The following AHRR variants were observed in gnomAD, a reference collection of about 807,000 sequenced individuals.
The protein encoded by AHRR is ahR repressor.
Under a neutral mutation model 44.0 loss-of-function variants are expected in AHRR, and 28 were observed. That is an observed-to-expected ratio of 0.64 (90% CI 0.47 to 0.87). The LOEUF (loss-of-function observed/expected upper bound fraction) is 0.87, where lower values mean the gene tolerates loss of function less well. AHRR is among the 40% of genes least tolerant of loss of function. The pLI is 0.00. For missense variants in AHRR, 990 were observed against 953.9 expected (o/e 1.04, Z -0.50); for synonymous variants, 434 against 407.0 (o/e 1.07, Z -0.80).
intron 4 of AHRR, among the ~76,000 whole-genome samples, chr5:386,821 T>G (rs928278144): frequency 6.6e-6 from 1 of 150,592 alleles, no homozygotes; most frequent in Admixed American, 6.6e-5. Context: ...TAACCCAGAC[T>G]TCATCCCGGA....
At chr5:341,157 G>A (rs1361922993) in intron 1 of AHRR, among the ~76,000 whole-genome samples, 3 of 151,734 alleles carry the variant, frequency 2.0e-5, no homozygotes, top group Admixed American at 1.3e-4. Context: ...TGGGACTACA[G>A]GTGCACGCCA....
rs1013474183 is a variant in AHRR at position 376,638 on chromosome 5, T to G, written c.273T>G (p.Pro91=). 2 of 1,092,482 alleles carry G rather than the reference T, an allele frequency of 1.8e-6. No homozygotes were observed. Among genetic ancestry groups the G allele is most frequent in the East Asian group, 1.0e-4 (2 of 19,548 alleles). 67.7% of individuals were successfully genotyped at this position (1,092,482 alleles called of 1,614,324 possible). A position where few individuals can be genotyped will look rare whatever the true frequency, so the allele number is the denominator to read the frequency against. The change falls in exon 4 of 11, where the codon CCT becomes CCG. Residue 91 remains proline (P), a synonymous_variant. Coordinates refer to ENST00000684583, the MANE Select transcript of AHRR (RefSeq NM_001377236.1). ...QVVQEQSSRQ[P]AAGAPSPGDS... is the part of the protein sequence containing the mutation. The stretch of plus-strand genomic sequence containing the variant: ...TGCAGGAGCAGAGCTCACGGCAGCC[T>G]GCGGCCGGCGCCCCCTCGCCCGGAG...
intron 7 of AHRR, among the ~76,000 whole-genome samples, chr5:426,532 C>T (rs528065922): frequency 7.2e-5 from 10 of 138,988 alleles, no homozygotes; most frequent in East Asian, 6.9e-4. Context: ...GGGAAGATGA[C>T]GGATGGATAG....
At chr5:399,155 C>T (rs532152633) in intron 4 of AHRR, among the ~76,000 whole-genome samples, 13 of 152,314 alleles carry the variant, frequency 8.5e-5, no homozygotes, top group South Asian at 4.1e-4. Flanking sequence ...TGCAGAGGGA[C>T]GGCCCAGGCC....
intron 4 of AHRR, among the ~76,000 whole-genome samples, chr5:382,206 C>T (rs1297570138): frequency 6.6e-6 from 1 of 152,202 alleles, no homozygotes; most frequent in Non-Finnish European, 1.5e-5. Context: ...GTATTCCCTT[C>T]TCTTCTGTTT....
intron 1 of AHRR, among the ~76,000 whole-genome samples, chr5:333,817 G>A (rs982750414): frequency 2.0e-5 from 3 of 152,136 alleles, no homozygotes; most frequent in African/African-American, 4.8e-5. Context: ...CTTTATGAGT[G>A]AGTTTTATAT....
At chr5:343,567 G>C (rs1579600419) in intron 1 of AHRR, 2 of 360,388 alleles carry the variant, frequency 5.5e-6, no homozygotes, top group East Asian at 6.0e-5. Context: ...TGGCTTCCTC[G>C]ATGGCTTCCT....
At chr5:344,691 A>C (rs1391116760) in intron 2 of AHRR, among the ~76,000 whole-genome samples, 8 of 2,862 alleles carry the variant, frequency 2.8e-3, no homozygotes, top group Non-Finnish European at 4.1e-3. Flanking sequence ...TGTGTGTGTG[A>C]GGCTGTGGGG....
At chr5:415,337 TGGGGCGGGAGGC>T (rs1560915683) in intron 5 of AHRR, among the ~76,000 whole-genome samples, 30 of 147,960 alleles carry the variant, frequency 2.0e-4, no homozygotes, top group Admixed American at 2.7e-4. Flanking sequence ...ATCTGCCTGG[TGGGGCGGGAGGC>T]CTAGGGGCCG....
chr5:345,419 TGTGTGTGGGTGTGC>T (rs1742616841), intron 2 of AHRR, among the ~76,000 whole-genome samples: 1 of 114,606 alleles, frequency 8.7e-6, no homozygotes, highest in Non-Finnish European at 1.6e-5. Context: ...TGGCTGTGTG[TGTGTGTGGGTGTGC>T]GTGTGTGGGT....
chr5:392,329 G>A (rs1734498527), intron 4 of AHRR, among the ~76,000 whole-genome samples: 2 of 96,194 alleles, frequency 2.1e-5, no homozygotes, highest in African/African-American at 3.9e-5. Context: ...ACGGGCGCAG[G>A]GCGAGGAGGG....
At chr5:400,835 C>G (rs1002884036) in intron 4 of AHRR, among the ~76,000 whole-genome samples, 1 of 152,250 alleles carries the variant, frequency 6.6e-6, no homozygotes, top group Non-Finnish European at 1.5e-5. Context: ...TTTATATACT[C>G]AAGCCTTGAA....
chr5:380,566 T>G (rs1359905864), intron 4 of AHRR, among the ~76,000 whole-genome samples: 1 of 152,202 alleles, frequency 6.6e-6, no homozygotes, highest in Non-Finnish European at 1.5e-5. Flanking sequence ...CATGTTTAAG[T>G]TTTATATTTT....
chr5:385,333 C>A (rs368577792), intron 4 of AHRR, among the ~76,000 whole-genome samples: 6 of 152,214 alleles, frequency 3.9e-5, no homozygotes, highest in African/African-American at 1.4e-4. Flanking sequence ...CACCACCATG[C>A]TCAGCTACTT....
chr5:405,805 G>A lies in AHRR; in HGVS notation c.352-7539G>A, dbSNP rs1262106186. On this transcript the variant is annotated intron_variant, in intron 4 of 10. Transcript: ENST00000684583. The surrounding 1 kb of genome is among the most constrained non-coding windows in gnomAD (Gnocchi z 4.5). ...TGTTTCTTTTATATTTTCACGGCAC[G>A]TGTGACTTTTCTTTTTGGATACTTT... Among the ~76,000 whole-genome samples, 6 of 152,236 alleles carry A rather than the reference G, an allele frequency of 3.9e-5. No individual in the cohort carries two copies. The highest frequency in any genetic ancestry group is 7.2e-5 in the African/African-American group (3 of 41,462).
chr5:434,882 G>A lies in AHRR; in HGVS notation c.*48G>A. The A allele has an allele frequency of 6.7e-7, 1 of 1,499,892 alleles. No individual in the cohort carries two copies. The highest frequency in any genetic ancestry group is 8.9e-7 in the Non-Finnish European group (1 of 1,118,052). The allele number at this position is 1,499,892 out of a possible 1,614,324, so 92.9% of individuals were successfully genotyped here. On this transcript the variant is annotated 3_prime_UTR_variant, in exon 11 of 11. Transcript: ENST00000684583. Reference sequence around the variant, plus strand: ...CAGATCTGTGTGTCTACGCTCAGATGCGTCGGTGGCTGGGCTGCCCTGCTC... The same window carrying A: ...CAGATCTGTGTGTCTACGCTCAGATACGTCGGTGGCTGGGCTGCCCTGCTC...
rs562308626 is a variant in AHRR, at chr5:338,711, T to C, written c.-10-5182T>C. 2.6e-5 allele frequency among the ~76,000 whole-genome samples: 4 copies of C among 152,278 alleles called. No homozygotes were observed. Among genetic ancestry groups the C allele is most frequent in the African/African-American group, 9.6e-5 (4 of 41,548 alleles). ...ACAAAAATAAATATTATTCTACTTA[T>C]TACTGGTTATGAGCAATTTGATTAT... On this transcript the variant is annotated intron_variant, in intron 1 of 10. Transcript: ENST00000684583. The surrounding 1 kb of genome is among the most constrained non-coding windows in gnomAD (Gnocchi z 4.1).
chr5:366,668 A>G (rs572799863), intron 3 of AHRR, among the ~76,000 whole-genome samples: 23 of 152,328 alleles, frequency 1.5e-4, no homozygotes, highest in African/African-American at 5.5e-4. Flanking sequence ...AAAGCCCAGC[A>G]TTCACTGTCC....
intron 3 of AHRR, among the ~76,000 whole-genome samples, chr5:360,649 G>T (rs1358106499): frequency 6.6e-6 from 1 of 152,204 alleles, no homozygotes; most frequent in Non-Finnish European, 1.5e-5. Flanking sequence ...AACACTGATA[G>T]AAATGTGAGC....
Sources: allele counts gnomAD v4.1 joint callset (sites outside exome capture counted in the v4.1 genomes callset), GRCh38; gene constraint gnomAD v4.1.1; non-coding constraint Gnocchi (gnomAD v3.1); transcripts MANE v1.5; gene names NCBI Gene and HGNC (gene_info 2026-07-23, HGNC 2026-07-21).